Variants in ELMO1 observed in about 807,000 individuals in gnomAD.
ELMO1 encodes the protein engulfment and cell motility protein 1.
In ELMO1, 26 loss-of-function variants were observed where a neutral mutation model predicts 98.9. The observed-to-expected ratio is 0.26, with a 90% CI of 0.19 to 0.36. The LOEUF (loss-of-function observed/expected upper bound fraction) is 0.36, where lower values mean the gene tolerates loss of function less well. Among genes scored for constraint, ELMO1 ranks in the 10% least tolerant of loss-of-function variants. ELMO1 has a pLI of 1.00. For missense variants in ELMO1, 627 were observed against 935.2 expected, an observed-to-expected ratio of 0.67 and a Z score of 4.30; for synonymous variants, 346 against 346.0, an observed-to-expected ratio of 1.00 and a Z score of 0.00.
At chr7:37,382,692 C>T (rs1055905507) in intron 1 of ELMO1, among the ~76,000 whole-genome samples, 4 of 152,080 alleles carry the variant, frequency 2.6e-5, no homozygotes, top group African/African-American at 9.7e-5. Flanking sequence ...TTCCCACAGT[C>T]TGCCACCCTG....
At chr7:37,326,229 G>A (rs1448818027) in intron 2 of ELMO1, among the ~76,000 whole-genome samples, 1 of 152,144 alleles carries the variant, frequency 6.6e-6, no homozygotes, top group Non-Finnish European at 1.5e-5. Context: ...CCTCTCCACA[G>A]TAGTAAAACC....
intron 16 of ELMO1, among the ~76,000 whole-genome samples, chr7:36,942,744 A>C (rs1292443105): frequency 2.6e-5 from 4 of 152,214 alleles, no homozygotes; most frequent in African/African-American, 9.6e-5. Context: ...ACAGCTTTGC[A>C]TGCTAATTAG....
intron 7 of ELMO1, among the ~76,000 whole-genome samples, chr7:37,243,308 C>T (rs1794846181): frequency 6.6e-6 from 1 of 152,136 alleles, no homozygotes; most frequent in Non-Finnish European, 1.5e-5. Context: ...AATCCCAGCT[C>T]CTCCATCTGA....
chr7:37,259,747 A>T (rs908047485), intron 5 of ELMO1, among the ~76,000 whole-genome samples: 1 of 152,240 alleles, frequency 6.6e-6, no homozygotes, highest in East Asian at 1.9e-4. Flanking sequence ...TTAGTTAAGC[A>T]ATTACACAAA....
At chr7:36,866,327 C>T (rs970351068) in intron 20 of ELMO1, among the ~76,000 whole-genome samples, 7 of 152,218 alleles carry the variant, frequency 4.6e-5, no homozygotes, top group Admixed American at 6.5e-5. Flanking sequence ...GTGTGAAGAA[C>T]CCACCATTTC....
At chr7:37,195,818 T>C (rs1427538728) in intron 13 of ELMO1, among the ~76,000 whole-genome samples, 1 of 152,288 alleles carries the variant, frequency 6.6e-6, no homozygotes, top group East Asian at 1.9e-4. Flanking sequence ...CTAATGCTCA[T>C]AAGTCACAGG....
At position 36,870,524 on chromosome 7, in the gene ELMO1, T is replaced by C. The variant is rs967772569; in HGVS notation, c.1823-49A>G. ...AAGTAACTACACCATGTGAAAACTT[T>C]GATGTCAATAAAGAAACAGGACTAA... is the stretch of plus-strand genomic sequence containing the variant. On this transcript the variant is annotated intron_variant, in intron 19 of 21. Transcript: ENST00000310758. The surrounding 1 kb of genome is among the most constrained non-coding windows in gnomAD (Gnocchi z 4.4). 3.2e-6 allele frequency: 5 copies of C among 1,581,178 alleles called. No homozygotes were observed. The highest frequency in any genetic ancestry group is 4.3e-6 in the Non-Finnish European group (5 of 1,156,992).
intron 13 of ELMO1, among the ~76,000 whole-genome samples, chr7:37,136,607 T>C: frequency 6.6e-6 from 1 of 152,188 alleles, no homozygotes; most frequent in East Asian, 1.9e-4. Context: ...GCCAAGAATC[T>C]TGTATCCAGT....
rs191226649 is a variant in ELMO1, at chr7:37,349,547, G to A, written c.-73-6784C>T. 1.9e-3 allele frequency among the ~76,000 whole-genome samples: 284 copies of A among 152,122 alleles called. 2 individuals are homozygous for A. The highest frequency in any genetic ancestry group is 6.0e-3 in the African/African-American group (248 of 41,486). On this transcript the variant is annotated intron_variant, in intron 1 of 21. Transcript: ENST00000310758. ...CAGCTCACTGTAACCTCCGCCCCCC[G>A]GGTTCAAGTGATTCTCCTGCCTCAG... is the stretch of plus-strand genomic sequence containing the variant.
At chr7:36,937,358 G>C (rs1786632938) in intron 16 of ELMO1, among the ~76,000 whole-genome samples, 1 of 152,214 alleles carries the variant, frequency 6.6e-6, no homozygotes, top group Admixed American at 6.5e-5. Context: ...GCAGCTGCAA[G>C]CGAGGAAATG....
At chr7:37,161,693 T>G (rs1789209338) in intron 13 of ELMO1, among the ~76,000 whole-genome samples, 1 of 151,542 alleles carries the variant, frequency 6.6e-6, no homozygotes, top group Non-Finnish European at 1.5e-5. Context: ...CACTGTACTT[T>G]GAGTATTCTG....
chr7:36,962,214 G>A (rs774916994), intron 16 of ELMO1, among the ~76,000 whole-genome samples: 30 of 152,180 alleles, frequency 2.0e-4, no homozygotes, highest in African/African-American at 2.2e-4. Flanking sequence ...GAGCCAAGCT[G>A]CTTGAACTGA....
At chr7:37,188,744 T>C (rs1258204554) in intron 13 of ELMO1, among the ~76,000 whole-genome samples, 1 of 152,170 alleles carries the variant, frequency 6.6e-6, no homozygotes, top group East Asian at 1.9e-4. Context: ...TTTTGTAATA[T>C]GCATGGAAAT....
chr7:36,893,857 G>A (rs1438693641), intron 17 of ELMO1, among the ~76,000 whole-genome samples: 1 of 152,174 alleles, frequency 6.6e-6, no homozygotes, highest in Non-Finnish European at 1.5e-5. Context: ...CAAGAAGGGT[G>A]CATTACAAAT....
chr7:37,354,546 T>G (rs1021709801), intron 1 of ELMO1, among the ~76,000 whole-genome samples: 1 of 152,254 alleles, frequency 6.6e-6, no homozygotes, highest in African/African-American at 2.4e-5. Context: ...CAAGCTCTCT[T>G]GCGCTTTGGG....
At chr7:37,235,517 T>C (rs1794413181) in intron 7 of ELMO1, among the ~76,000 whole-genome samples, 1 of 124,572 alleles carries the variant, frequency 8.0e-6, no homozygotes, top group African/African-American at 2.5e-5. Context: ...AAAATTCCCA[T>C]ATACACGCCA....
intron 14 of ELMO1, among the ~76,000 whole-genome samples, chr7:37,113,279 T>C (rs1785360914): frequency 1.3e-5 from 2 of 152,250 alleles, no homozygotes; most frequent in South Asian, 4.1e-4. Flanking sequence ...GACTGTCTTC[T>C]GTGTGCCTGG....
chr7:37,384,435 G>C (rs754651989), intron 1 of ELMO1, among the ~76,000 whole-genome samples: 7 of 152,038 alleles, frequency 4.6e-5, no homozygotes, highest in Non-Finnish European at 8.8e-5. Context: ...TTGTTTATTT[G>C]TCAGGCCAGG....
At position 37,267,033 on chromosome 7, in the gene ELMO1, A is replaced by ATG. The variant is rs1796290395; in HGVS notation, c.243+4798_243+4799insCA. On this transcript the variant is annotated intron_variant, in intron 5 of 21. Coordinates refer to ENST00000310758, the MANE Select transcript of ELMO1 (RefSeq NM_014800.11). Reference sequence around the variant, plus strand: ...ATCTAAAAAAAAAAAAAAAATATGTATATATACACACACACACACACACAC... The same window carrying ATG: ...ATCTAAAAAAAAAAAAAAAATATGTATGTATATACACACACACACACACACAC... 2.3e-4 allele frequency among the ~76,000 whole-genome samples: 6 copies of ATG among 26,514 alleles called. 1 individual carries two copies. Among genetic ancestry groups the ATG allele is most frequent in the Admixed American group, 1.4e-3 (3 of 2,214 alleles). The allele number at this position is 26,514 out of a possible 152,430, so 17.4% of individuals were successfully genotyped here.
Sources: allele counts gnomAD v4.1 joint callset (sites outside exome capture counted in the v4.1 genomes callset), GRCh38; gene constraint gnomAD v4.1.1; non-coding constraint Gnocchi (gnomAD v3.1); transcripts MANE v1.5; gene names NCBI Gene and HGNC (gene_info 2026-07-23, HGNC 2026-07-21).